Variants in RAI14 observed in about 807,000 individuals in gnomAD.
RAI14 encodes the protein ankycorbin.
Under a neutral mutation model 115.4 loss-of-function variants are expected in RAI14, and 45 were observed. The observed-to-expected ratio is 0.39, with a 90% CI of 0.31 to 0.50. RAI14 has a LOEUF of 0.50. Ranked by LOEUF, RAI14 falls within the 20% of genes least tolerant of loss-of-function variation. RAI14 has a pLI of 0.85. For missense variants in RAI14, 939 were observed against 1,131.2 expected (o/e 0.83, Z 2.44); for synonymous variants, 371 against 415.4 (o/e 0.89, Z 1.30).
At chr5:34,762,705 C>T (rs1748807042) in intron 3 of RAI14, among the ~76,000 whole-genome samples, 1 of 152,114 alleles carries the variant, frequency 6.6e-6, no homozygotes. Flanking sequence ...GTTCTCTTTC[C>T]ATGGTGGATG....
In RAI14 at chr5:34,822,910, A is replaced by C. The variant is rs778143156; in HGVS notation, c.1114-46A>C. ...CACCGTGTTAGCCAGGATGGTCTCA[A>C]TCTCCTGACCTTTGATATCATTTAA... On this transcript the variant is annotated intron_variant, in intron 14 of 17. Coordinates refer to ENST00000265109, the MANE Select transcript of RAI14 (RefSeq NM_015577.3). 2.7e-6 allele frequency: 4 copies of C among 1,481,938 alleles called. No individual in the cohort carries two copies. The Admixed American group carries it at 7.8e-5, about 29-fold the overall frequency. 91.8% of individuals were successfully genotyped at this position (1,481,938 alleles called of 1,614,324 possible).
intron 2 of RAI14, among the ~76,000 whole-genome samples, chr5:34,694,277 C>G (rs1313410511): frequency 6.6e-6 from 1 of 152,178 alleles, no homozygotes. Flanking sequence ...ACAAATTCTT[C>G]TATGAACTTC....
rs114456383 is a variant in RAI14 at position 34,802,924 on chromosome 5, G to A, written c.257-788G>A. 6.2e-3 allele frequency among the ~76,000 whole-genome samples: 940 copies of A among 152,286 alleles called. 11 individuals are homozygous for A. Among genetic ancestry groups the A allele is most frequent in the African/African-American group, 0.022 (895 of 41,570 alleles). On this transcript the variant is annotated intron_variant, in intron 4 of 17. Transcript: ENST00000265109. ...CAGGTAATTTCCATTCAGGGCTGGAGTACATTGAGAGGAGAGGGAAATGAG... is the reference window on the plus strand; with the variant it reads ...CAGGTAATTTCCATTCAGGGCTGGAATACATTGAGAGGAGAGGGAAATGAG...
chr5:34,715,551 C>G (rs555975181), intron 2 of RAI14, among the ~76,000 whole-genome samples: 1 of 152,298 alleles, frequency 6.6e-6, no homozygotes, highest in African/African-American at 2.4e-5. Context: ...TTGGTGTTCC[C>G]TGCCCCAAAA....
At chr5:34,804,032 AT>A (rs1239027593) in intron 5 of RAI14, among the ~76,000 whole-genome samples, 5 of 151,976 alleles carry the variant, frequency 3.3e-5, no homozygotes, top group Non-Finnish European at 7.4e-5. Flanking sequence ...TCTCCCCTTT[AT>A]TTGGTTCCTT....
chr5:34,686,735 A>G (rs1744926729), intron 1 of RAI14, 137 bp from the exon 2 acceptor site: 1 of 420,256 alleles, frequency 2.4e-6, no homozygotes. Context: ...TATGTTATTT[A>G]CCACTCCTCA....
chr5:34,676,121 C>T (rs1280426046), intron 1 of RAI14, among the ~76,000 whole-genome samples: 2 of 152,218 alleles, frequency 1.3e-5, no homozygotes, highest in African/African-American at 4.8e-5. Context: ...TACCATTTTA[C>T]ATTTTCACCA....
chr5:34,664,375 C>T (rs1418053368), intron 1 of RAI14, among the ~76,000 whole-genome samples: 1 of 146,844 alleles, frequency 6.8e-6, no homozygotes, highest in Non-Finnish European at 1.5e-5. Flanking sequence ...CAAGATCACA[C>T]CACTGCACTC....
intron 3 of RAI14, among the ~76,000 whole-genome samples, chr5:34,782,931 G>T (rs982275468): frequency 2.0e-5 from 3 of 152,154 alleles, no homozygotes; most frequent in Admixed American, 6.5e-5. Context: ...AAACAGGTAC[G>T]TTCATTATTT....
chr5:34,767,406 C>T (rs777364774), intron 3 of RAI14, among the ~76,000 whole-genome samples: 1 of 152,084 alleles, frequency 6.6e-6, no homozygotes, highest in South Asian at 2.1e-4. Flanking sequence ...CAGCAGCGAG[C>T]GACCTGCACT....
chr5:34,674,206 C>T (rs1743813874), intron 1 of RAI14, among the ~76,000 whole-genome samples: 1 of 152,192 alleles, frequency 6.6e-6, no homozygotes. Flanking sequence ...TTTCCTTCCA[C>T]TCCCTTCTAG....
At chr5:34,788,855 G>C (rs974644822) in intron 3 of RAI14, among the ~76,000 whole-genome samples, 16 of 152,142 alleles carry the variant, frequency 1.1e-4, no homozygotes, top group Admixed American at 2.0e-4. Flanking sequence ...TGTAATCCCG[G>C]CTACTTGGGA....
chr5:34,770,245 C>T (rs566160096), intron 3 of RAI14, among the ~76,000 whole-genome samples: 4 of 152,218 alleles, frequency 2.6e-5, no homozygotes, highest in South Asian at 2.1e-4. Context: ...GAAGCAAAAT[C>T]GAGCTCATGT....
chr5:34,826,659 T>G (rs1408181451), intron 16 of RAI14, among the ~76,000 whole-genome samples, 180 bp downstream of exon 16: 1 of 152,206 alleles, frequency 6.6e-6, no homozygotes, highest in Non-Finnish European at 1.5e-5. Context: ...CTGGTGGAAT[T>G]CCTGGTCGTT....
intron 2 of RAI14, among the ~76,000 whole-genome samples, chr5:34,707,449 A>C (rs1024144517): frequency 2.0e-5 from 3 of 152,250 alleles, no homozygotes; most frequent in Non-Finnish European, 2.9e-5. Flanking sequence ...GCCTGGCGAC[A>C]GAGCGAGACT....
chr5:34,668,800 C>T (rs1376958885), intron 1 of RAI14, among the ~76,000 whole-genome samples: 2 of 151,932 alleles, frequency 1.3e-5, no homozygotes, highest in Non-Finnish European at 2.9e-5. Flanking sequence ...TCATGTCTGC[C>T]GCTAACTTCA....
At chr5:34,788,099 T>A (rs539255823) in intron 3 of RAI14, among the ~76,000 whole-genome samples, 3 of 151,712 alleles carry the variant, frequency 2.0e-5, no homozygotes, top group Non-Finnish European at 4.4e-5. Flanking sequence ...TAAATTTTTT[T>A]GTAAAGACAG....
intron 3 of RAI14, among the ~76,000 whole-genome samples, chr5:34,792,235 C>CTTTTTTTTTTTTTTTTTTT (rs55986330): frequency 7.8e-6 from 1 of 127,482 alleles, no homozygotes. Context: ...TTTCTTTTTT[C>CTTTTTTTTTTTTTTTTTTT]TTTTTTTTTT....
In RAI14 at chr5:34,764,131, G is replaced by A. The variant is rs558800719; in HGVS notation, c.167+6533G>A. On this transcript the variant is annotated intron_variant, in intron 3 of 17. Transcript: ENST00000265109. ...CTCCCAAAGTGCTGGGATTACAGGC[G>A]TGAGCCACTGCACCCGGCAATCACC... 4.6e-5 allele frequency among the ~76,000 whole-genome samples: 7 copies of A among 152,296 alleles called. No homozygotes were observed. In the East Asian group the frequency reaches 7.7e-4, roughly 17 times the overall value.
Sources: allele counts gnomAD v4.1 joint callset (sites outside exome capture counted in the v4.1 genomes callset), GRCh38; gene constraint gnomAD v4.1.1; transcripts MANE v1.5; gene names NCBI Gene and HGNC (gene_info 2026-07-23, HGNC 2026-07-21).